Variants in JMJD1C observed in about 807,000 individuals in gnomAD.
JMJD1C encodes jumonji domain containing 1C, also known as jumonji domain-containing protein 1C.
In JMJD1C, 31 loss-of-function variants were observed where a neutral mutation model predicts 245.3. That is an observed-to-expected ratio of 0.13 (90% CI 0.09 to 0.17). The LOEUF (loss-of-function observed/expected upper bound fraction) is 0.17, where lower values mean the gene tolerates loss of function less well. Among genes scored for constraint, JMJD1C ranks in the 10% least tolerant of loss-of-function variants. The pLI, the probability that JMJD1C is intolerant of heterozygous loss-of-function variation, is 1.00. For missense variants in JMJD1C, 2,691 were observed against 3,000.2 expected (o/e 0.90, Z 2.41); for synonymous variants, 1,057 against 1,017.4 (o/e 1.04, Z -0.74).
intron 13 of JMJD1C, among the ~76,000 whole-genome samples, chr10:63,195,744 C>T (rs1389911376): frequency 6.6e-6 from 1 of 150,636 alleles, no homozygotes; most frequent in African/African-American, 2.4e-5. Flanking sequence ...ATCGAGACCA[C>T]GGTGAAAACC....
intron 1 of JMJD1C, among the ~76,000 whole-genome samples, chr10:63,483,151 C>T (rs1318812137): frequency 6.6e-6 from 1 of 152,104 alleles, no homozygotes; most frequent in Non-Finnish European, 1.5e-5. Flanking sequence ...CATTATTCAT[C>T]ATGAAAACAA....
intron 1 of JMJD1C, among the ~76,000 whole-genome samples, chr10:63,424,508 T>TTC: frequency 6.8e-6 from 1 of 146,546 alleles, no homozygotes; most frequent in East Asian, 2.0e-4. Flanking sequence ...TTTTTTTTTT[T>TTC]TTTTTTTTTT....
intron 2 of JMJD1C, among the ~76,000 whole-genome samples, chr10:63,291,714 A>G (rs1424376019): frequency 6.6e-6 from 1 of 152,112 alleles, no homozygotes; most frequent in Non-Finnish European, 1.5e-5. Context: ...TATGGCCTCA[A>G]ACTCTTGCCT....
chr10:63,492,860 C>A (rs1589826007), intron 1 of JMJD1C, among the ~76,000 whole-genome samples: 2 of 152,124 alleles, frequency 1.3e-5, no homozygotes, highest in South Asian at 4.1e-4. Context: ...ATAATTCAGA[C>A]AAATAACCCA....
chr10:63,467,393 C>A (rs1482743751), upstream of JMJD1C, among the ~76,000 whole-genome samples: 1 of 152,078 alleles, frequency 6.6e-6, no homozygotes, highest in Non-Finnish European at 1.5e-5. Flanking sequence ...TGCCTGTAAT[C>A]CCAGCTACTC....
At chr10:63,246,100 C>A (rs1852168930) in intron 3 of JMJD1C, among the ~76,000 whole-genome samples, 1 of 151,916 alleles carries the variant, frequency 6.6e-6, no homozygotes, top group Non-Finnish European at 1.5e-5. Flanking sequence ...CCTAAAAAGA[C>A]CAAATCTAAG....
intron 2 of JMJD1C, among the ~76,000 whole-genome samples, chr10:63,345,480 C>T (rs1589537903): frequency 1.7e-5 from 2 of 116,774 alleles, no homozygotes; most frequent in Admixed American, 1.0e-4. Context: ...AAGAGTGAGA[C>T]TTTGTCTCAA....
At chr10:63,318,277 A>G (rs555559853) in intron 2 of JMJD1C, among the ~76,000 whole-genome samples, 9 of 152,224 alleles carry the variant, frequency 5.9e-5, no homozygotes, top group Non-Finnish European at 8.8e-5. Context: ...CTGGCCTCCC[A>G]AAGTGTTGGC....
intron 1 of JMJD1C, among the ~76,000 whole-genome samples, chr10:63,430,546 G>A (rs1266823651): frequency 6.6e-6 from 1 of 152,152 alleles, no homozygotes; most frequent in Non-Finnish European, 1.5e-5. Context: ...CATTTCCATA[G>A]AGACAAGAGA....
At chr10:63,193,217 C>T (rs1845055826) in intron 15 of JMJD1C, 66 bp from the exon 16 acceptor site, 1 of 1,497,004 alleles carries the variant, frequency 6.7e-7, no homozygotes, top group Non-Finnish European at 9.2e-7. Context: ...AGTATAGATA[C>T]AAAAAATTTA....
intron 1 of JMJD1C, among the ~76,000 whole-genome samples, chr10:63,488,985 T>C (rs1223954552): frequency 6.6e-6 from 1 of 152,224 alleles, no homozygotes; most frequent in Non-Finnish European, 1.5e-5. Context: ...ATGCTGGAGC[T>C]GAAAAATTCC....
intron 1 of JMJD1C, among the ~76,000 whole-genome samples, chr10:63,453,224 G>A (rs976984798): frequency 1.3e-5 from 2 of 152,148 alleles, no homozygotes; most frequent in Non-Finnish European, 2.9e-5. Context: ...GCAGTGAGCC[G>A]AGATGGCGCC....
intron 3 of JMJD1C, among the ~76,000 whole-genome samples, chr10:63,225,296 A>C (rs1221589874): frequency 6.6e-6 from 1 of 152,170 alleles, no homozygotes; most frequent in Non-Finnish European, 1.5e-5. Context: ...GCAAACGACA[A>C]ATGGAAAAAA....
chr10:63,289,385 A>C (rs1374247526), intron 2 of JMJD1C, among the ~76,000 whole-genome samples: 2 of 152,216 alleles, frequency 1.3e-5, no homozygotes, highest in Non-Finnish European at 2.9e-5. Flanking sequence ...TAGGCACATG[A>C]TAAAAACTAC....
At chr10:63,290,710 G>T (rs550219950) in intron 2 of JMJD1C, among the ~76,000 whole-genome samples, 1 of 152,116 alleles carries the variant, frequency 6.6e-6, no homozygotes, top group Non-Finnish European at 1.5e-5. Flanking sequence ...TTTATGGAAA[G>T]AGATTAAAAT....
At chr10:63,497,747 T>C (rs1954407777) in intron 1 of JMJD1C, among the ~76,000 whole-genome samples, 1 of 152,174 alleles carries the variant, frequency 6.6e-6, no homozygotes, top group African/African-American at 2.4e-5. Context: ...TGCTCTAAAG[T>C]TGTTCAAGCT....
intron 1 of JMJD1C, among the ~76,000 whole-genome samples, chr10:63,393,777 T>A (rs1158894936): frequency 2.0e-5 from 3 of 152,174 alleles, no homozygotes; most frequent in African/African-American, 7.2e-5. Context: ...TTGTGTACCT[T>A]CTAAAATTTA....
At chr10:63,327,093 A>G (rs925117318) in intron 2 of JMJD1C, among the ~76,000 whole-genome samples, 2 of 152,086 alleles carry the variant, frequency 1.3e-5, no homozygotes, top group Non-Finnish European at 2.9e-5. Flanking sequence ...AGGCTGAGGT[A>G]GGAGAATCGC....
chr10:63,424,547 C>G, intron 1 of JMJD1C, among the ~76,000 whole-genome samples: 1 of 105,160 alleles, frequency 9.5e-6, no homozygotes, highest in South Asian at 3.8e-4. Context: ...CATTCTGTTG[C>G]CTGTGCTGGA....
Sources: allele counts gnomAD v4.1 joint callset (sites outside exome capture counted in the v4.1 genomes callset), GRCh38; gene constraint gnomAD v4.1.1; transcripts MANE v1.5; gene names NCBI Gene and HGNC (gene_info 2026-07-23, HGNC 2026-07-21).